The following SLC15A1 variants were observed in gnomAD, a reference collection of about 807,000 sequenced individuals.
The protein encoded by SLC15A1 is solute carrier family 15 member 1.
Under a neutral mutation model 92.9 loss-of-function variants are expected in SLC15A1, and 83 were observed. The ratio of observed to expected loss-of-function variants is 0.89; its 90% CI spans 0.75 to 1.07. The LOEUF is 1.07. Among genes scored for constraint, SLC15A1 ranks in the 50% least tolerant of loss-of-function variants. SLC15A1 has a pLI of 0.00. For missense variants in SLC15A1, 857 were observed against 880.1 expected (o/e 0.97, Z 0.33); for synonymous variants, 322 against 318.2 (o/e 1.01, Z -0.13).
intron 1 of SLC15A1, among the ~76,000 whole-genome samples, chr13:98,738,694 C>A (rs2088415621): frequency 6.6e-6 from 1 of 152,238 alleles, no homozygotes; most frequent in African/African-American, 2.4e-5. Context: ...ATGGAAAAGC[C>A]TGGATGTCCA....
intron 8 of SLC15A1, among the ~76,000 whole-genome samples, chr13:98,718,717 G>C (rs912753722): frequency 6.6e-6 from 1 of 152,178 alleles, no homozygotes; most frequent in Non-Finnish European, 1.5e-5. Flanking sequence ...GCAGAGCCAG[G>C]AGAATCGCTT....
intron 1 of SLC15A1, among the ~76,000 whole-genome samples, chr13:98,738,615 A>T (rs1323805793): frequency 6.6e-6 from 1 of 152,286 alleles, no homozygotes; most frequent in African/African-American, 2.4e-5. Flanking sequence ...CATGGTGTTA[A>T]GCCTGCAGGC....
At chr13:98,689,057 A>C (rs759976091) in intron 18 of SLC15A1, among the ~76,000 whole-genome samples, 16 of 152,280 alleles carry the variant, frequency 1.1e-4, no homozygotes, top group Non-Finnish European at 2.2e-4. Flanking sequence ...TTCCTGCCTC[A>C]GCCTCCCGCG....
At chr13:98,726,635 A>G (rs1283904698) in intron 2 of SLC15A1, 186 bp from the exon 3 acceptor site, 2 of 748,740 alleles carry the variant, frequency 2.7e-6, no homozygotes, top group Non-Finnish European at 4.7e-6. Context: ...AGAGACAGCA[A>G]TGAAATAAAG....
chr13:98,730,621 T>C (rs1474822369), intron 1 of SLC15A1, among the ~76,000 whole-genome samples: 1 of 152,182 alleles, frequency 6.6e-6, no homozygotes, highest in Non-Finnish European at 1.5e-5. Context: ...CCCTGCGGGG[T>C]TGCTGGAAGA....
chr13:98,718,700 T>C (rs2088230767), intron 8 of SLC15A1, among the ~76,000 whole-genome samples: 1 of 152,140 alleles, frequency 6.6e-6, no homozygotes, highest in African/African-American at 2.4e-5. Flanking sequence ...TCTCAACTAC[T>C]TGGGAGGCAG....
chr13:98,699,319 CAATCACAGGTGTG>C (rs2088048829), intron 18 of SLC15A1, among the ~76,000 whole-genome samples: 1 of 152,176 alleles, frequency 6.6e-6, no homozygotes, highest in East Asian at 1.9e-4. Flanking sequence ...TCCACATCTC[CAATCACAGGTGTG>C]AGAAAAGGAA....
chr13:98,690,699 G>T (rs1232772645), intron 18 of SLC15A1, among the ~76,000 whole-genome samples: 1 of 152,106 alleles, frequency 6.6e-6, no homozygotes, highest in African/African-American at 2.4e-5. Context: ...ACCTCACAGC[G>T]GGCACTTACC....
intron 1 of SLC15A1, among the ~76,000 whole-genome samples, chr13:98,730,183 G>C (rs937913369): frequency 2.1e-5 from 3 of 144,612 alleles, no homozygotes; most frequent in African/African-American, 7.6e-5. Context: ...GCAACTGAGC[G>C]AGACTCCGTC....
At chr13:98,725,654 CT>C (rs1323012118) in intron 4 of SLC15A1, among the ~76,000 whole-genome samples, 4 of 152,214 alleles carry the variant, frequency 2.6e-5, no homozygotes, top group Non-Finnish European at 5.9e-5. Flanking sequence ...ATGTCAGGCA[CT>C]GTTTCAGGCT....
intron 1 of SLC15A1, among the ~76,000 whole-genome samples, chr13:98,748,133 C>T (rs746641640): frequency 1.1e-4 from 16 of 152,154 alleles, no homozygotes; most frequent in Middle Eastern, 3.2e-3. Context: ...TATGTTCCTG[C>T]CCCCTGAGGA....
chr13:98,735,933 T>G (rs1413556859), intron 1 of SLC15A1, among the ~76,000 whole-genome samples: 1 of 152,164 alleles, frequency 6.6e-6, no homozygotes, highest in Non-Finnish European at 1.5e-5. Context: ...AATTTATAGA[T>G]TCAATGCCAT....
intron 18 of SLC15A1, among the ~76,000 whole-genome samples, chr13:98,700,694 T>C (rs796582229): frequency 6.6e-6 from 1 of 152,116 alleles, no homozygotes; most frequent in African/African-American, 2.4e-5. Context: ...TCATATAAGA[T>C]GTGTAAGAAT....
In SLC15A1 at chr13:98,705,525, T is replaced by C. The variant is rs558652130; in HGVS notation, c.1269+609A>G. On this transcript the variant is annotated intron_variant, in intron 16 of 22. Coordinates refer to ENST00000376503, the MANE Select transcript of SLC15A1 (RefSeq NM_005073.4). ...CCCCCAGTTTAGATCCTTGATCTGGTGGTTCCAGGCTCCAGCAGCAGCAGC... is the reference window on the plus strand; with the variant it reads ...CCCCCAGTTTAGATCCTTGATCTGGCGGTTCCAGGCTCCAGCAGCAGCAGC... Among the ~76,000 whole-genome samples, 3 of 152,312 alleles carry C rather than the reference T, an allele frequency of 2.0e-5. No homozygotes were observed. In the South Asian group the frequency reaches 6.2e-4, roughly 32 times the overall value.
At chr13:98,744,312 T>C (rs1238441191) in intron 1 of SLC15A1, among the ~76,000 whole-genome samples, 1 of 148,036 alleles carries the variant, frequency 6.8e-6, no homozygotes, top group Non-Finnish European at 1.5e-5. Context: ...GGCAATGAGG[T>C]TGAAGACCCT....
chr13:98,687,640 G>A lies in SLC15A1; in HGVS notation c.1768C>T (p.Leu590Phe), dbSNP rs768914998. The change falls in exon 21 of 23, where the codon CTT becomes TTT. Residue 590 changes from leucine to phenylalanine, a missense_variant. Physicochemically the swap from Leu to Phe is conservative, Grantham distance 22 (BLOSUM62 0). Coordinates refer to ENST00000376503, the MANE Select transcript of SLC15A1 (RefSeq NM_005073.4). ...AAGACCACTTCGCCACAGGTGAGAA[G>A]AAAATACTGCGGGATTTGCAGAGCC... Reference protein sequence around the residue: ...NMALQIPQYFLLTCGEVVFSV... With the variant: ...NMALQIPQYFFLTCGEVVFSV... 1 of 1,614,196 alleles carries A rather than the reference G, an allele frequency of 6.2e-7. No individual in the cohort carries two copies. Among genetic ancestry groups the A allele is most frequent in the Non-Finnish European group, 8.5e-7 (1 of 1,180,032 alleles).
chr13:98,688,418 T>G, intron 19 of SLC15A1, 52 bp downstream of exon 19: 1 of 1,605,738 alleles, frequency 6.2e-7, no homozygotes, highest in Non-Finnish European at 8.5e-7. Flanking sequence ...AATGCATTTT[T>G]TAAAGAAAAA....
At chr13:98,752,026 G>A (rs2088550132) in intron 1 of SLC15A1, among the ~76,000 whole-genome samples, 1 of 152,178 alleles carries the variant, frequency 6.6e-6, no homozygotes, top group African/African-American at 2.4e-5. Context: ...TTTTGCTGAC[G>A]CTCCAGCCCC....
intron 1 of SLC15A1, among the ~76,000 whole-genome samples, chr13:98,751,046 C>T (rs778491151): frequency 2.0e-5 from 3 of 152,134 alleles, no homozygotes; most frequent in African/African-American, 7.2e-5. Flanking sequence ...TGAGCCACTG[C>T]GCCCGGCCAA....
Sources: gnomAD v4.1 joint callset for allele counts (sites outside exome capture counted in the v4.1 genomes callset) on GRCh38, gnomAD v4.1.1 for gene constraint, MANE v1.5 for transcripts, NCBI Gene and HGNC (gene_info 2026-07-23, HGNC 2026-07-21) for gene names.